MARCHF11: variants seen among roughly 807,000 people sequenced by gnomAD.
The protein encoded by MARCHF11 is E3 ubiquitin-protein ligase MARCHF11.
In MARCHF11, 29 loss-of-function variants were observed where a neutral mutation model predicts 37.3. The ratio of observed to expected loss-of-function variants is 0.78; its 90% CI spans 0.58 to 1.06. The LOEUF (loss-of-function observed/expected upper bound fraction) is 1.06, where lower values mean the gene tolerates loss of function less well. Among genes scored for constraint, MARCHF11 ranks in the 50% least tolerant of loss-of-function variants. The pLI, the probability that MARCHF11 is intolerant of heterozygous loss-of-function variation, is 0.00. For synonymous variants in MARCHF11, 233 were observed against 228.0 expected (o/e 1.02, Z -0.20); for missense variants, 482 against 533.4 (o/e 0.90, Z 0.95).
intron 2 of MARCHF11, among the ~76,000 whole-genome samples, chr5:16,101,849 G>A (rs954802191): frequency 1.3e-5 from 2 of 152,198 alleles, no homozygotes; most frequent in Non-Finnish European, 2.9e-5. Flanking sequence ...GTAGGCCAAT[G>A]CAATTTCTCC....
chr5:16,148,506 G>C (rs917986176), intron 2 of MARCHF11, among the ~76,000 whole-genome samples: 5 of 152,128 alleles, frequency 3.3e-5, no homozygotes, highest in African/African-American at 1.2e-4. Flanking sequence ...TGGCAGGTTT[G>C]GTGATGAAGA....
chr5:16,083,740 T>C (rs1350614601), intron 3 of MARCHF11, among the ~76,000 whole-genome samples: 1 of 152,210 alleles, frequency 6.6e-6, no homozygotes, highest in Admixed American at 6.5e-5. Context: ...AGTCTAAAAG[T>C]CATGTGTATT....
intron 3 of MARCHF11, among the ~76,000 whole-genome samples, chr5:16,086,782 T>G (rs1477097407): frequency 2.0e-5 from 3 of 152,200 alleles, no homozygotes; most frequent in Non-Finnish European, 2.9e-5. Flanking sequence ...CCTCAAACTT[T>G]TAGTCATTAA....
intron 2 of MARCHF11, among the ~76,000 whole-genome samples, chr5:16,129,458 A>G (rs1737476578): frequency 6.6e-6 from 1 of 152,196 alleles, no homozygotes; most frequent in African/African-American, 2.4e-5. Flanking sequence ...CCATTTTTAA[A>G]ATAATCATTA....
intron 2 of MARCHF11, among the ~76,000 whole-genome samples, chr5:16,116,638 T>C (rs1737230573): frequency 1.3e-5 from 2 of 151,222 alleles, no homozygotes; most frequent in East Asian, 3.9e-4. Flanking sequence ...GCTACTGGGA[T>C]TAAAAAAAAA....
intron 2 of MARCHF11, among the ~76,000 whole-genome samples, chr5:16,098,968 T>A (rs1474873980): frequency 1.3e-5 from 2 of 152,284 alleles, no homozygotes; most frequent in South Asian, 4.1e-4. Context: ...TTAGATTTAT[T>A]TTTTTAAAAG....
chr5:16,170,956 C>G (rs1327778765), intron 2 of MARCHF11, among the ~76,000 whole-genome samples: 1 of 152,092 alleles, frequency 6.6e-6, no homozygotes, highest in Non-Finnish European at 1.5e-5. Context: ...GACACTTATT[C>G]TGAGATGCCC....
chr5:16,077,762 C>CAT (rs1321844064), intron 3 of MARCHF11, among the ~76,000 whole-genome samples: 1 of 152,116 alleles, frequency 6.6e-6, no homozygotes, highest in African/African-American at 2.4e-5. Context: ...TGATTCTTTA[C>CAT]ATAGATAATT....
At chr5:16,102,480 C>T (rs1358400127) in intron 2 of MARCHF11, among the ~76,000 whole-genome samples, 1 of 152,154 alleles carries the variant, frequency 6.6e-6, no homozygotes, top group Non-Finnish European at 1.5e-5. Flanking sequence ...ACCCCAGACC[C>T]CAGACTCAAC....
At chr5:16,082,246 T>TC (rs1736623938) in intron 3 of MARCHF11, among the ~76,000 whole-genome samples, 1 of 152,198 alleles carries the variant, frequency 6.6e-6, no homozygotes, top group Non-Finnish European at 1.5e-5. Flanking sequence ...TGTTTCAGGC[T>TC]CATCACGTTG....
At chr5:16,155,364 T>C (rs1318167409) in intron 2 of MARCHF11, among the ~76,000 whole-genome samples, 1 of 151,884 alleles carries the variant, frequency 6.6e-6, no homozygotes, top group Admixed American at 6.6e-5. Flanking sequence ...GGGTGGGGCC[T>C]GAGGGGTAAG....
At chr5:16,164,480 C>T (rs1261469347) in intron 2 of MARCHF11, among the ~76,000 whole-genome samples, 1 of 151,996 alleles carries the variant, frequency 6.6e-6, no homozygotes, top group Non-Finnish European at 1.5e-5. Flanking sequence ...AGGCCAAAGT[C>T]TCTTACCCAA....
At chr5:16,115,508 A>G (rs563301132) in intron 2 of MARCHF11, among the ~76,000 whole-genome samples, 5 of 152,366 alleles carry the variant, frequency 3.3e-5, no homozygotes, top group African/African-American at 4.8e-5. Flanking sequence ...TTAGCGTAGC[A>G]TATTCAGAAA....
At chr5:16,131,897 G>C (rs1436139979) in intron 2 of MARCHF11, among the ~76,000 whole-genome samples, 1 of 152,206 alleles carries the variant, frequency 6.6e-6, no homozygotes, top group East Asian at 1.9e-4. Flanking sequence ...TCATTTAAAG[G>C]GAGACACAAT....
intron 2 of MARCHF11, among the ~76,000 whole-genome samples, chr5:16,147,170 G>C (rs989812326): frequency 9.9e-5 from 15 of 152,122 alleles, no homozygotes; most frequent in Non-Finnish European, 2.2e-4. Flanking sequence ...TTTGACTGGT[G>C]AATCTGTAGA....
intron 2 of MARCHF11, among the ~76,000 whole-genome samples, chr5:16,122,199 C>A (rs1042419386): frequency 6.6e-6 from 1 of 152,180 alleles, no homozygotes; most frequent in South Asian, 2.1e-4. Context: ...CAGAAGGAAA[C>A]TTCTGGGCCT....
intron 2 of MARCHF11, among the ~76,000 whole-genome samples, chr5:16,123,830 TTAAATA>T: frequency 6.6e-6 from 1 of 152,168 alleles, no homozygotes; most frequent in East Asian, 1.9e-4. Context: ...CCTTGCTATA[TTAAATA>T]TAAGTCACAG....
chr5:16,095,694 C>T lies in MARCHF11; in HGVS notation c.694-4613G>A, dbSNP rs530478138. 1.4e-4 allele frequency among the ~76,000 whole-genome samples: 22 copies of T among 152,336 alleles called. No individual in the cohort carries two copies. In the East Asian group the frequency reaches 3.9e-3, roughly 27 times the overall value. On this transcript the variant is annotated intron_variant, in intron 2 of 3. Transcript: ENST00000332432. ...TCTTGTAAAGAGCCATCCTCTCTTGCACTTCCTCTCCTAAACAGGATTCTT... is the reference window on the plus strand; with the variant it reads ...TCTTGTAAAGAGCCATCCTCTCTTGTACTTCCTCTCCTAAACAGGATTCTT...
At chr5:16,150,839 A>T (rs2126597777) in intron 2 of MARCHF11, among the ~76,000 whole-genome samples, 1 of 152,106 alleles carries the variant, frequency 6.6e-6, no homozygotes, top group South Asian at 2.1e-4. Flanking sequence ...AACTTATATT[A>T]ATTCTGAGGA....
Sources: allele counts gnomAD v4.1 joint callset (sites outside exome capture counted in the v4.1 genomes callset), GRCh38; gene constraint gnomAD v4.1.1; transcripts MANE v1.5; gene names NCBI Gene and HGNC (gene_info 2026-07-23, HGNC 2026-07-21).